NCAM1: variants seen among roughly 807,000 people sequenced by gnomAD.
NCAM1 encodes the protein antigen recognized by monoclonal antibody 5.1H11.
Under a neutral mutation model 109.8 loss-of-function variants are expected in NCAM1, and 14 were observed. The ratio of observed to expected loss-of-function variants is 0.13; its 90% CI spans 0.08 to 0.20. NCAM1 has a LOEUF of 0.20. Ranked by LOEUF, NCAM1 falls within the 10% of genes least tolerant of loss-of-function variation. The pLI is 1.00. For synonymous variants in NCAM1, 418 were observed against 442.9 expected (o/e 0.94, Z 0.70); for missense variants, 774 against 1,109.9 (o/e 0.70, Z 4.30).
rs868976447 is a variant in NCAM1 at position 113,104,203 on chromosome 11, G to T, written c.53-98176G>T. Among the ~76,000 whole-genome samples, 703 of 119,246 alleles carry T rather than the reference G, an allele frequency of 5.9e-3. 12 individuals are homozygous for T. The highest frequency in any genetic ancestry group is 0.022 in the African/African-American group (669 of 30,976). The allele number at this position is 119,246 out of a possible 152,430, so 78.2% of individuals were successfully genotyped here. A position where few individuals can be genotyped will look rare whatever the true frequency, so the allele number is the denominator to read the frequency against. The stretch of plus-strand genomic sequence containing the variant: ...GTTGGAGAACAGGTGAAGAGGAGGT[G>T]GGGTGGGGGGGGGGGCGGGGTGGTG... On this transcript the variant is annotated intron_variant, in intron 1 of 19. Transcript: ENST00000316851.
At chr11:113,155,159 A>G (rs797041635) in intron 1 of NCAM1, among the ~76,000 whole-genome samples, 8 of 152,178 alleles carry the variant, frequency 5.3e-5, no homozygotes, top group African/African-American at 1.9e-4. Context: ...GTGAGGAAGG[A>G]GAGGAACTGG....
intron 1 of NCAM1, among the ~76,000 whole-genome samples, chr11:113,164,425 G>A (rs1397560209): frequency 6.6e-6 from 1 of 151,968 alleles, no homozygotes; most frequent in Non-Finnish European, 1.5e-5. Flanking sequence ...CAGGCTAAAG[G>A]CTCAGTCCCA....
intron 1 of NCAM1, among the ~76,000 whole-genome samples, chr11:112,967,928 C>A (rs186002970): frequency 7.2e-5 from 11 of 152,286 alleles, no homozygotes; most frequent in African/African-American, 2.2e-4. Flanking sequence ...ATACAAAACT[C>A]TTCTTGCTTT....
intron 9 of NCAM1, among the ~76,000 whole-genome samples, chr11:113,224,353 A>T (rs1263356523): frequency 6.6e-6 from 1 of 152,208 alleles, no homozygotes; most frequent in African/African-American, 2.4e-5. Context: ...GCAGTCTGAG[A>T]TCAAACTGCA....
At chr11:113,196,000 G>T (rs1307694834) in intron 1 of NCAM1, among the ~76,000 whole-genome samples, 2 of 151,468 alleles carry the variant, frequency 1.3e-5, no homozygotes, top group East Asian at 3.9e-4. Context: ...CTTGTGTTTG[G>T]TACTTTATGT....
chr11:112,982,925 T>C (rs1951192014), intron 1 of NCAM1, among the ~76,000 whole-genome samples: 1 of 151,786 alleles, frequency 6.6e-6, no homozygotes, highest in Non-Finnish European at 1.5e-5. Flanking sequence ...AAATCTGTAG[T>C]TATTTAAGTA....
chr11:113,037,843 C>T (rs1017294392), intron 1 of NCAM1, among the ~76,000 whole-genome samples: 5 of 152,182 alleles, frequency 3.3e-5, no homozygotes, highest in Non-Finnish European at 7.3e-5. Flanking sequence ...AGGCTTCTGG[C>T]CTCTGGCTCC....
At chr11:113,261,518 T>C (rs898302855) in intron 17 of NCAM1, among the ~76,000 whole-genome samples, 1 of 152,072 alleles carries the variant, frequency 6.6e-6, no homozygotes, top group Non-Finnish European at 1.5e-5. Flanking sequence ...GGGTGGGTGT[T>C]TCTCCACAGT....
At chr11:113,118,941 TC>T (rs1940827310) in intron 1 of NCAM1, among the ~76,000 whole-genome samples, 1 of 152,014 alleles carries the variant, frequency 6.6e-6, no homozygotes, top group Non-Finnish European at 1.5e-5. Context: ...TGTGTTTAAT[TC>T]CTTTAAAAAT....
intron 1 of NCAM1, among the ~76,000 whole-genome samples, chr11:113,030,623 A>G (rs1680022082): frequency 6.6e-6 from 1 of 152,206 alleles, no homozygotes; most frequent in African/African-American, 2.4e-5. Context: ...TAAGGAAAAC[A>G]TTAACATCAG....
rs797039160 is a variant in NCAM1 at position 113,051,753 on chromosome 11, A to C, written c.52+90089A>C. Among the ~76,000 whole-genome samples the C allele has an allele frequency of 1.2e-4, 19 of 152,362 alleles. No individual in the cohort carries two copies. In the South Asian group the frequency reaches 1.9e-3, roughly 15 times the overall value. On this transcript the variant is annotated intron_variant, in intron 1 of 19. Transcript: ENST00000316851. ...AAATATTTAATTGTATAATTTAACC[A>C]ATAGCTAACACTGAGCAGTAGTTTG...
intron 1 of NCAM1, among the ~76,000 whole-genome samples, chr11:113,007,005 G>C (rs1355955824): frequency 6.6e-6 from 1 of 152,156 alleles, no homozygotes; most frequent in East Asian, 1.9e-4. Context: ...GCTAATCTTG[G>C]TGAGCATGAC....
At chr11:113,116,092 A>T (rs1184173305) in intron 1 of NCAM1, among the ~76,000 whole-genome samples, 1 of 152,222 alleles carries the variant, frequency 6.6e-6, no homozygotes, top group Admixed American at 6.5e-5. Context: ...GCAAAAATTC[A>T]TGGGAATAAT....
At chr11:113,081,634 A>G (rs1362727163) in intron 1 of NCAM1, among the ~76,000 whole-genome samples, 7 of 152,048 alleles carry the variant, frequency 4.6e-5, no homozygotes, top group Admixed American at 4.6e-4. Context: ...TCTGGGTATA[A>G]GTGATTCTCC....
intron 1 of NCAM1, among the ~76,000 whole-genome samples, chr11:113,170,952 T>C (rs1246320978): frequency 6.6e-6 from 1 of 152,210 alleles, no homozygotes; most frequent in Non-Finnish European, 1.5e-5. Context: ...AAATCTTCAG[T>C]AGTATAATTA....
Position 113,196,325 on chromosome 11 carries a change from T to A in NCAM1, c.53-6054T>A, listed in dbSNP as rs150708993. ...TATGATGTTTTTGGCTGTGGTTAAA[T>A]TCAGTCTTTTATATCTGAGATGTTC... On this transcript the variant is annotated intron_variant, in intron 1 of 19. Coordinates refer to ENST00000316851, the MANE Select transcript of NCAM1 (RefSeq NM_181351.5). Among the ~76,000 whole-genome samples the A allele has an allele frequency of 7.5e-4, 114 of 152,354 alleles. 3 individuals are homozygous for A. The East Asian group carries it at 0.021, about 28-fold the overall frequency.
chr11:113,019,698 GTAT>G (rs2135222767), intron 1 of NCAM1, among the ~76,000 whole-genome samples: 1 of 152,258 alleles, frequency 6.6e-6, no homozygotes, highest in South Asian at 2.1e-4. Context: ...TAGGTCCCAC[GTAT>G]TCCATTGCTT....
At chr11:113,104,865 A>T (rs574769852) in intron 1 of NCAM1, among the ~76,000 whole-genome samples, 2 of 152,204 alleles carry the variant, frequency 1.3e-5, no homozygotes, top group African/African-American at 4.8e-5. Flanking sequence ...CATAAAAACA[A>T]AGTAAATTTT....
In NCAM1 at chr11:113,231,070, T is replaced by G. The variant is rs114873348; in HGVS notation, c.1090-575T>G. 3.2e-3 allele frequency: 2,934 copies of G among 908,730 alleles called. 57 individuals are homozygous for G. The African/African-American group carries it at 0.042, about 13-fold the overall frequency. 56.3% of individuals were successfully genotyped at this position (908,730 alleles called of 1,614,324 possible). A position where few individuals can be genotyped will look rare whatever the true frequency, so the allele number is the denominator to read the frequency against. ...TTCCAGTGCAGTGGCTCCTGATCTTTGAGTTGTTTGGCTTGTTTTTACATG... is the reference window on the plus strand; with the variant it reads ...TTCCAGTGCAGTGGCTCCTGATCTTGGAGTTGTTTGGCTTGTTTTTACATG... On this transcript the variant is annotated intron_variant, in intron 9 of 19. Transcript: ENST00000316851.
Sources: gnomAD v4.1 joint callset for allele counts (sites outside exome capture counted in the v4.1 genomes callset) on GRCh38, gnomAD v4.1.1 for gene constraint, MANE v1.5 for transcripts, NCBI Gene and HGNC (gene_info 2026-07-23, HGNC 2026-07-21) for gene names.